WNT7A: variants seen among roughly 807,000 people sequenced by gnomAD.
WNT7A encodes Wnt family member 7A, also known as protein Wnt-7a.
WNT7A carries 16 observed loss-of-function variants against 28.2 expected under a neutral mutation model. That is an observed-to-expected ratio of 0.57 (90% CI 0.38 to 0.86). The LOEUF (loss-of-function observed/expected upper bound fraction) is 0.86. Ranked by LOEUF, WNT7A falls within the 40% of genes least tolerant of loss-of-function variation. The probability of loss-of-function intolerance (pLI) is 0.00; values close to 1 mark genes in which losing one functional copy is unlikely to be tolerated. For synonymous variants in WNT7A, 190 were observed against 195.9 expected (o/e 0.97, Z 0.25); for missense variants, 411 against 489.7 (o/e 0.84, Z 1.52).
chr3:13,843,999 G>C (rs917954339), intron 3 of WNT7A, among the ~76,000 whole-genome samples: 3 of 152,096 alleles, frequency 2.0e-5, no homozygotes, highest in Non-Finnish European at 4.4e-5. Context: ...ACCCACCCTT[G>C]GCCTCCCAAA....
At chr3:13,843,539 C>G (rs924027371) in intron 3 of WNT7A, among the ~76,000 whole-genome samples, 2 of 152,082 alleles carry the variant, frequency 1.3e-5, no homozygotes, top group African/African-American at 4.8e-5. Flanking sequence ...TCCTGACCTG[C>G]CTCCCATCCA....
intron 2 of WNT7A, among the ~76,000 whole-genome samples, chr3:13,873,753 G>C (rs929738075): frequency 2.6e-5 from 4 of 152,174 alleles, no homozygotes; most frequent in Non-Finnish European, 5.9e-5. Flanking sequence ...GGTCGAAAAG[G>C]TCTAGAAGAC....
Position 13,819,409 on chromosome 3 carries a change from G to A in WNT7A, c.585C>T (p.Asn195=), listed in dbSNP as rs573071103. 1 of 1,613,316 alleles carries A rather than the reference G, an allele frequency of 6.2e-7. No individual in the cohort carries two copies. Among genetic ancestry groups the A allele is most frequent in the Admixed American group, 1.7e-5 (1 of 60,000 alleles). The part of the protein sequence containing the change: ...NEAGRKILEE[N]MKLECKCHGV... ...CGTGGCACTTACATTCCAGCTTCAT[G>A]TTCTCCTCCAGGATCTGCAGGGGAG... The change falls in exon 4 of 4, where the codon AAC becomes AAT. Residue 195 remains asparagine, a synonymous_variant. Transcript: ENST00000285018.
chr3:13,857,262 A>G (rs80277385), intron 2 of WNT7A, among the ~76,000 whole-genome samples: 2,833 of 152,316 alleles, frequency 0.019, 152 homozygotes, highest in South Asian at 0.18. Context: ...GAATAGACGC[A>G]TGTTGCTGAG....
chr3:13,834,805 G>A (rs192566466), intron 3 of WNT7A, among the ~76,000 whole-genome samples: 7 of 152,218 alleles, frequency 4.6e-5, no homozygotes, highest in South Asian at 2.1e-4. Flanking sequence ...CCTAGCTTGC[G>A]TCAAATGTGA....
chr3:13,833,307 C>T (rs1332591798), intron 3 of WNT7A, among the ~76,000 whole-genome samples: 1 of 152,206 alleles, frequency 6.6e-6, no homozygotes, highest in Non-Finnish European at 1.5e-5. Context: ...TCCATCCCTA[C>T]ACAACATATG....
At chr3:13,827,703 C>T (rs756196931) in intron 3 of WNT7A, among the ~76,000 whole-genome samples, 2 of 152,184 alleles carry the variant, frequency 1.3e-5, no homozygotes, top group Non-Finnish European at 2.9e-5. Flanking sequence ...GTCCATGCCA[C>T]ATGGTGCTCC....
intron 2 of WNT7A, among the ~76,000 whole-genome samples, chr3:13,863,128 C>T (rs1694856560): frequency 1.3e-5 from 2 of 152,162 alleles, no homozygotes; most frequent in Admixed American, 1.3e-4. Flanking sequence ...CAAGCTCAGC[C>T]CGCACTTGGT....
chr3:13,831,822 A>G (rs546103522), intron 3 of WNT7A, among the ~76,000 whole-genome samples: 1 of 152,120 alleles, frequency 6.6e-6, no homozygotes, highest in South Asian at 2.1e-4. Flanking sequence ...TCACTGGCCA[A>G]CTTCTCTCGA....
chr3:13,868,739 G>GAA, intron 2 of WNT7A, among the ~76,000 whole-genome samples: 7 of 87,790 alleles, frequency 8.0e-5, no homozygotes, highest in Admixed American at 2.7e-4. Context: ...AAAGAAAGAA[G>GAA]AGAAAGAAAG....
chr3:13,856,263 C>A (rs2124860822), intron 2 of WNT7A, among the ~76,000 whole-genome samples: 1 of 152,348 alleles, frequency 6.6e-6, no homozygotes, highest in South Asian at 2.1e-4. Flanking sequence ...CTTGGGCGAG[C>A]TCCTTCTCCT....
At chr3:13,832,241 C>T (rs1157579102) in intron 3 of WNT7A, among the ~76,000 whole-genome samples, 1 of 150,842 alleles carries the variant, frequency 6.6e-6, no homozygotes, top group Non-Finnish European at 1.5e-5. Context: ...TCCTTCTCCC[C>T]CTCCTCCTCC....
At chr3:13,849,934 C>T (rs554507735) in intron 3 of WNT7A, among the ~76,000 whole-genome samples, 3 of 152,238 alleles carry the variant, frequency 2.0e-5, no homozygotes, top group Admixed American at 2.0e-4. Context: ...GGTTGGGGTA[C>T]AATGGTCCCA....
chr3:13,870,880 TC>T (rs1371559952), intron 2 of WNT7A, among the ~76,000 whole-genome samples: 9 of 152,220 alleles, frequency 5.9e-5, no homozygotes, highest in African/African-American at 2.2e-4. Context: ...CATACATAAG[TC>T]CCCCTTTCAC....
chr3:13,871,785 C>A (rs923127722), intron 2 of WNT7A, among the ~76,000 whole-genome samples: 1 of 152,148 alleles, frequency 6.6e-6, no homozygotes, highest in Non-Finnish European at 1.5e-5. Context: ...CTTTTGCCAG[C>A]AGCCAGAGTG....
chr3:13,868,849 TGA>T (rs1165748428), intron 2 of WNT7A, among the ~76,000 whole-genome samples: 8 of 40,508 alleles, frequency 2.0e-4, no homozygotes, highest in East Asian at 1.6e-3. Context: ...AGAGAGAAAG[TGA>T]GAGAGAGAGA....
At chr3:13,844,111 A>C (rs1694502955) in intron 3 of WNT7A, among the ~76,000 whole-genome samples, 1 of 152,082 alleles carries the variant, frequency 6.6e-6, no homozygotes, top group African/African-American at 2.4e-5. Context: ...ACACACACAC[A>C]CAATTGAGAG....
At chr3:13,857,808 C>A (rs140505415) in intron 2 of WNT7A, among the ~76,000 whole-genome samples, 329 of 152,330 alleles carry the variant, frequency 2.2e-3, no homozygotes, top group Middle Eastern at 6.8e-3. Flanking sequence ...GGGAAGAAAT[C>A]TGTTCCACTG....
chr3:13,855,587 C>T (rs1249364155), intron 2 of WNT7A, among the ~76,000 whole-genome samples: 2 of 152,250 alleles, frequency 1.3e-5, no homozygotes, highest in South Asian at 2.1e-4. Flanking sequence ...CAGGAGACAG[C>T]GTGGGACAGG....
Sources: allele counts gnomAD v4.1 joint callset (sites outside exome capture counted in the v4.1 genomes callset), GRCh38; gene constraint gnomAD v4.1.1; transcripts MANE v1.5; gene names NCBI Gene and HGNC (gene_info 2026-07-23, HGNC 2026-07-21).